The following ABCA13 variants were observed in gnomAD, a reference collection of about 807,000 sequenced individuals.
ABCA13 encodes ATP-binding cassette sub-family A member 13.
In ABCA13, 476 loss-of-function variants were observed where a neutral mutation model predicts 478.7. The ratio of observed to expected loss-of-function variants is 0.99; its 90% confidence interval spans 0.92 to 1.07. The LOEUF is 1.07. Ranked by LOEUF, ABCA13 falls within the 50% of genes least tolerant of loss-of-function variation. The probability of loss-of-function intolerance (pLI) is 0.00; values close to 1 mark genes in which losing one functional copy is unlikely to be tolerated. For synonymous variants in ABCA13, 2,252 were observed against 2,158.9 expected (o/e 1.04, Z -1.20); for missense variants, 6,060 against 5,910.6 (o/e 1.03, Z -0.83).
At chr7:48,551,747 A>G (rs1049939511) in intron 55 of ABCA13, among the ~76,000 whole-genome samples, 12 of 151,724 alleles carry the variant, frequency 7.9e-5, no homozygotes, top group African/African-American at 2.9e-4. Context: ...TTTTTGTAAC[A>G]AAGGATGACT....
intron 55 of ABCA13, among the ~76,000 whole-genome samples, chr7:48,541,009 G>A (rs1022927937): frequency 2.0e-5 from 3 of 152,098 alleles, no homozygotes; most frequent in African/African-American, 7.2e-5. Flanking sequence ...AGGAATTTAA[G>A]ACTAAGATTT....
intron 27 of ABCA13, among the ~76,000 whole-genome samples, chr7:48,327,540 C>T (rs919947134): frequency 6.6e-6 from 1 of 152,082 alleles, no homozygotes; most frequent in Non-Finnish European, 1.5e-5. Flanking sequence ...TCACAAGAAC[C>T]CCAGGGAGTA....
At chr7:48,199,481 T>A (rs1798370630) in intron 3 of ABCA13, among the ~76,000 whole-genome samples, 1 of 152,142 alleles carries the variant, frequency 6.6e-6, no homozygotes, top group South Asian at 2.1e-4. Context: ...CGGGCACTAA[T>A]CCTATTCACG....
Position 48,351,434 on chromosome 7 carries a change from C to T in ABCA13, c.10381+615C>T, listed in dbSNP as rs547938012. ...TTAGAGTGCTGGAAGCTAGATATTCCGGATGGAGACATCCACTGGTTTTTC... is the reference window on the plus strand; with the variant it reads ...TTAGAGTGCTGGAAGCTAGATATTCTGGATGGAGACATCCACTGGTTTTTC... On this transcript the variant is annotated intron_variant, in intron 30 of 61. Transcript: ENST00000435803. Among the ~76,000 whole-genome samples the T allele has an allele frequency of 1.5e-4, 23 of 152,314 alleles. No homozygotes were observed. In the South Asian group the frequency reaches 4.6e-3, roughly 30 times the overall value.
intron 59 of ABCA13, among the ~76,000 whole-genome samples, chr7:48,621,950 T>C (rs17132518): frequency 0.41 from 62,290 of 151,932 alleles, 13,539 homozygotes; most frequent in African/African-American, 0.54. Flanking sequence ...AAATTGGTAA[T>C]TGATTTCCCA....
chr7:48,562,436 C>T (rs1786563799), intron 55 of ABCA13, among the ~76,000 whole-genome samples: 1 of 152,052 alleles, frequency 6.6e-6, no homozygotes, highest in South Asian at 2.1e-4. Context: ...GGCAAAAACT[C>T]TTCTTTTCTT....
chr7:48,314,099 C>T, intron 25 of ABCA13, 133 bp from the exon 26 acceptor site: 1 of 1,071,158 alleles, frequency 9.3e-7, no homozygotes, highest in South Asian at 1.6e-5. Context: ...AACTCTAAAG[C>T]AGACATTCCA....
chr7:48,612,945 C>A (rs1024642396), intron 58 of ABCA13, among the ~76,000 whole-genome samples: 8 of 151,852 alleles, frequency 5.3e-5, no homozygotes, highest in Admixed American at 5.2e-4. Context: ...CTCTACAATA[C>A]ACAAAAGTAC....
chr7:48,388,690 C>T (rs1304121712), intron 36 of ABCA13, among the ~76,000 whole-genome samples: 1 of 152,214 alleles, frequency 6.6e-6, no homozygotes, highest in Non-Finnish European at 1.5e-5. Flanking sequence ...AGCACCTATC[C>T]ACTCTCACGT....
intron 55 of ABCA13, among the ~76,000 whole-genome samples, chr7:48,565,835 A>G (rs991343882): frequency 8.5e-5 from 13 of 152,232 alleles, no homozygotes; most frequent in Non-Finnish European, 1.9e-4. Context: ...CCTTCTCCTA[A>G]CAAACACATG....
At chr7:48,211,319 G>C (rs1236772320) in intron 3 of ABCA13, among the ~76,000 whole-genome samples, 1 of 152,216 alleles carries the variant, frequency 6.6e-6, no homozygotes, top group African/African-American at 2.4e-5. Context: ...CACTGCAGCT[G>C]TTTCAGCACT....
intron 55 of ABCA13, among the ~76,000 whole-genome samples, chr7:48,560,461 T>C (rs73111411): frequency 6.6e-6 from 1 of 152,186 alleles, no homozygotes; most frequent in Non-Finnish European, 1.5e-5. Flanking sequence ...CCTCTTTTAG[T>C]GATATGAAGT....
At position 48,427,813 on chromosome 7, in the gene ABCA13, C is replaced by G; in HGVS notation, c.12507C>G (p.Ala4169=). ...ATTCCAACAAGAAATCTCACATTGC[C>G]CTGGGGACTGAGTCAGAGCTGCAGA... ...LQDSNKKSHI[A]LGTESELQNH... The change falls in exon 42 of 62, where the codon GCC becomes GCG. Residue 4169 remains alanine, a synonymous_variant. Coordinates refer to ENST00000435803, the MANE Select transcript of ABCA13 (RefSeq NM_152701.5). The G allele has an allele frequency of 6.2e-7, 1 of 1,612,474 alleles. No homozygotes were observed.
chr7:48,244,805 A>G, intron 11 of ABCA13, 102 bp downstream of exon 11: 3 of 1,416,322 alleles, frequency 2.1e-6, no homozygotes, highest in Non-Finnish European at 2.8e-6. Context: ...TAAAGTTGGG[A>G]GATAACTTTG....
rs36196847 is a variant in ABCA13, at chr7:48,172,797, CAAAAAAAAAAAAAAAAAAAAAAA to C, written c.69+1261_69+1283del. 5.0e-4 allele frequency among the ~76,000 whole-genome samples: 38 copies of C among 75,512 alleles called. 1 individual carries two copies. Among genetic ancestry groups the C allele is most frequent in the South Asian group, 6.3e-4 (1 of 1,590 alleles). 49.5% of individuals were successfully genotyped at this position (75,512 alleles called of 152,430 possible). A position where few individuals can be genotyped will look rare whatever the true frequency, so the allele number is the denominator to read the frequency against. ...TGGGCGACAGAGCGAGACTCCGTCT[CAAAAAAAAAAAAAAAAAAAAAAA>C]AAAAAAAAAAAAAAAGTTTTAAGTT... is the stretch of plus-strand genomic sequence containing the variant. On this transcript the variant is annotated intron_variant, in intron 1 of 61. Coordinates refer to ENST00000435803, the MANE Select transcript of ABCA13 (RefSeq NM_152701.5).
At chr7:48,322,015 T>C (rs1803557280) in intron 27 of ABCA13, among the ~76,000 whole-genome samples, 1 of 152,242 alleles carries the variant, frequency 6.6e-6, no homozygotes, top group African/African-American at 2.4e-5. Flanking sequence ...GGAGCCACTG[T>C]CAGCAGGCAA....
intron 42 of ABCA13, among the ~76,000 whole-genome samples, chr7:48,449,274 C>A (rs2129180852): frequency 6.6e-6 from 1 of 152,148 alleles, no homozygotes; most frequent in Non-Finnish European, 1.5e-5. Flanking sequence ...ATTCCCTTTC[C>A]TATTTCCTCT....
intron 2 of ABCA13, among the ~76,000 whole-genome samples, chr7:48,195,969 G>A (rs1797871264): frequency 6.6e-6 from 1 of 152,090 alleles, no homozygotes; most frequent in African/African-American, 2.4e-5. Flanking sequence ...AGTGAAAAAA[G>A]GGAAGGTAAG....
chr7:48,191,023 ATG>A (rs892554414), intron 1 of ABCA13, among the ~76,000 whole-genome samples: 2 of 152,206 alleles, frequency 1.3e-5, no homozygotes, highest in African/African-American at 4.8e-5. Flanking sequence ...CAAGAAAATT[ATG>A]TGTTTATTAT....
Sources: allele counts gnomAD v4.1 joint callset (sites outside exome capture counted in the v4.1 genomes callset), GRCh38; gene constraint gnomAD v4.1.1; transcripts MANE v1.5; gene names NCBI Gene and HGNC (gene_info 2026-07-23, HGNC 2026-07-21).